The following CNTN1 variants were observed in gnomAD, a reference collection of about 807,000 sequenced individuals.
CNTN1 encodes the protein contactin 1.
In CNTN1, 38 loss-of-function variants were observed where a neutral mutation model predicts 126.4. The observed-to-expected ratio is 0.30, with a 90% CI of 0.23 to 0.39. The LOEUF (loss-of-function observed/expected upper bound fraction) is 0.39. CNTN1 is among the 10% of genes least tolerant of loss of function. CNTN1 has a pLI of 1.00. For missense variants in CNTN1, 1,009 were observed against 1,248.4 expected (o/e 0.81, Z 2.89); for synonymous variants, 413 against 422.6 (o/e 0.98, Z 0.28).
chr12:40,926,051 A>G (rs1945675658), intron 6 of CNTN1, among the ~76,000 whole-genome samples: 1 of 151,542 alleles, frequency 6.6e-6, no homozygotes, highest in Admixed American at 6.6e-5. Context: ...ATGCCACAGA[A>G]ATGCCTCAGT....
chr12:40,905,647 A>C (rs915662871), intron 1 of CNTN1, among the ~76,000 whole-genome samples: 1 of 152,168 alleles, frequency 6.6e-6, no homozygotes, highest in Non-Finnish European at 1.5e-5. Flanking sequence ...AAAAATAATA[A>C]TATGTCATCT....
At chr12:40,707,227 C>CTTTT (rs370984371) in intron 1 of CNTN1, among the ~76,000 whole-genome samples, 25 of 109,160 alleles carry the variant, frequency 2.3e-4, no homozygotes, top group African/African-American at 7.3e-4. Context: ...TTTTCTTTTT[C>CTTTT]TTTTTTTTTT....
At chr12:40,744,763 G>A (rs1361491313) in intron 1 of CNTN1, among the ~76,000 whole-genome samples, 1 of 152,082 alleles carries the variant, frequency 6.6e-6, no homozygotes, top group Non-Finnish European at 1.5e-5. Context: ...ATGACCAGAG[G>A]AGAAATTGCT....
intron 23 of CNTN1, among the ~76,000 whole-genome samples, chr12:41,044,018 T>A (rs1352208835): frequency 0.015 from 660 of 44,194 alleles, 11 homozygotes; most frequent in African/African-American, 0.054. Context: ...GGGAGGGGGG[T>A]GGGATAGCAT....
At chr12:40,830,275 T>A (rs1941763606) in intron 1 of CNTN1, among the ~76,000 whole-genome samples, 1 of 152,136 alleles carries the variant, frequency 6.6e-6, no homozygotes. Context: ...AGGCTATCAA[T>A]TGGGAGGAAC....
intron 15 of CNTN1, among the ~76,000 whole-genome samples, chr12:40,974,621 AT>A (rs1160116656): frequency 6.6e-6 from 1 of 152,086 alleles, no homozygotes; most frequent in Non-Finnish European, 1.5e-5. Context: ...TTTTAAAAAT[AT>A]TGTTTTTAGG....
intron 1 of CNTN1, among the ~76,000 whole-genome samples, chr12:40,865,496 A>G (rs1943265181): frequency 6.6e-6 from 1 of 151,982 alleles, no homozygotes; most frequent in African/African-American, 2.4e-5. Flanking sequence ...TAGATTTATG[A>G]CTTATTCTGA....
At chr12:40,914,194 A>G (rs572235431) in intron 3 of CNTN1, among the ~76,000 whole-genome samples, 1 of 152,312 alleles carries the variant, frequency 6.6e-6, no homozygotes, top group Non-Finnish European at 1.5e-5. Context: ...AAAAAAATCA[A>G]TAGATGACAG....
intron 23 of CNTN1, among the ~76,000 whole-genome samples, chr12:41,048,382 C>T (rs1282694033): frequency 2.0e-5 from 3 of 152,020 alleles, no homozygotes; most frequent in African/African-American, 7.2e-5. Flanking sequence ...AGTCAATGAC[C>T]TTGCTTCCTA....
At chr12:40,921,218 A>G (rs1202543630) in intron 4 of CNTN1, among the ~76,000 whole-genome samples, 3 of 152,186 alleles carry the variant, frequency 2.0e-5, no homozygotes, top group Non-Finnish European at 4.4e-5. Context: ...TGATTTGACA[A>G]CAGATATTCT....
At chr12:40,725,401 CAAA>C (rs34242859) in intron 1 of CNTN1, among the ~76,000 whole-genome samples, 4 of 45,326 alleles carry the variant, frequency 8.8e-5, no homozygotes, top group Non-Finnish European at 8.0e-5. Flanking sequence ...AACTCTGTCT[CAAA>C]AAAAAAAAAA....
chr12:40,993,395 G>A (rs1305168224), intron 17 of CNTN1, 126 bp downstream of exon 17: 8 of 766,752 alleles, frequency 1.0e-5, no homozygotes, highest in Non-Finnish European at 1.5e-5. Context: ...GCATGTGTGT[G>A]TATTTCACTA....
At chr12:40,724,349 G>T (rs139520776) in intron 1 of CNTN1, among the ~76,000 whole-genome samples, 1 of 152,284 alleles carries the variant, frequency 6.6e-6, no homozygotes, top group African/African-American at 2.4e-5. Context: ...CAGGCATAGA[G>T]TAGAGGCTTG....
chr12:40,925,626 C>CGT lies in CNTN1; in HGVS notation c.496+974_496+975insGT, dbSNP rs201095423. 8.3e-3 allele frequency among the ~76,000 whole-genome samples: 863 copies of CGT among 103,912 alleles called. 9 individuals are homozygous for CGT. The highest frequency in any genetic ancestry group is 0.012 in the Admixed American group (125 of 10,404). 68.2% of individuals were successfully genotyped at this position (103,912 alleles called of 152,430 possible). ...ATATACGTGTATATATATATATACA[C>CGT]ATATATATATATAGAGAGAGAGAGT... On this transcript the variant is annotated intron_variant, in intron 6 of 23. Transcript: ENST00000551295.
chr12:40,828,971 T>G (rs547145113), intron 1 of CNTN1, among the ~76,000 whole-genome samples: 3 of 152,280 alleles, frequency 2.0e-5, no homozygotes, highest in African/African-American at 7.2e-5. Context: ...AGAGTTTTAT[T>G]TCTTGTTTTT....
chr12:40,830,832 T>TATATAC lies in CNTN1; in HGVS notation c.-76-77522_-76-77521insTACATA, dbSNP rs1555165566. ...ATATATATATATATATATATATATA[T>TATATAC]ATACTCTTTATCTGTCTACCTAACT... On this transcript the variant is annotated intron_variant, in intron 1 of 23. Transcript: ENST00000551295. Among the ~76,000 whole-genome samples, 459 of 88,404 alleles carry TATATAC rather than the reference T, an allele frequency of 5.2e-3. 2 individuals carry two copies. Among genetic ancestry groups the TATATAC allele is most frequent in the East Asian group, 9.9e-3 (26 of 2,630 alleles). The allele number at this position is 88,404 out of a possible 152,430, so 58.0% of individuals were successfully genotyped here.
chr12:41,036,055 C>T (rs1013866393), intron 23 of CNTN1, among the ~76,000 whole-genome samples: 16 of 151,998 alleles, frequency 1.1e-4, no homozygotes, highest in African/African-American at 1.7e-4. Context: ...GAAAAGAAAG[C>T]AAGTCTGAGA....
At chr12:40,827,433 TC>T (rs1261904527) in intron 1 of CNTN1, among the ~76,000 whole-genome samples, 47 of 152,006 alleles carry the variant, frequency 3.1e-4, no homozygotes, top group Non-Finnish European at 5.4e-4. Flanking sequence ...GGTAAAAATC[TC>T]CATATTTTAT....
intron 1 of CNTN1, among the ~76,000 whole-genome samples, chr12:40,882,342 C>T (rs907708223): frequency 1.3e-5 from 2 of 151,520 alleles, no homozygotes; most frequent in African/African-American, 4.8e-5. Flanking sequence ...ATATTTATGC[C>T]TTTTCTTAGT....
Sources: gnomAD v4.1 joint callset for allele counts (sites outside exome capture counted in the v4.1 genomes callset) on GRCh38, gnomAD v4.1.1 for gene constraint, MANE v1.5 for transcripts, NCBI Gene and HGNC (gene_info 2026-07-23, HGNC 2026-07-21) for gene names.